PDE1C: variants seen among roughly 807,000 people sequenced by gnomAD.
PDE1C encodes the protein phosphodiesterase 1C, also known as dual specificity calcium/calmodulin-dependent 3',5'-cyclic nucleotide phosphodiesterase 1C.
Under a neutral mutation model 93.1 loss-of-function variants are expected in PDE1C, and 62 were observed. The observed-to-expected ratio is 0.67, with a 90% CI of 0.54 to 0.82. PDE1C has a LOEUF of 0.82. PDE1C is among the 40% of genes least tolerant of loss of function. PDE1C has a pLI of 0.00. For synonymous variants in PDE1C, 325 were observed against 310.1 expected, an observed-to-expected ratio of 1.05 and a Z score of -0.50; for missense variants, 742 against 884.6, an observed-to-expected ratio of 0.84 and a Z score of 2.04.
chr7:31,629,163 A>T, the PDE1C span, among the ~76,000 whole-genome samples: 2 of 152,132 alleles, frequency 1.3e-5, no homozygotes, highest in African/African-American at 4.8e-5. Context: ...TTGTCATTGC[A>T]CTCTTCCAGG....
downstream of PDE1C, among the ~76,000 whole-genome samples, chr7:31,749,858 C>T (rs1056064942): frequency 4.0e-5 from 6 of 151,702 alleles, no homozygotes; most frequent in Admixed American, 2.0e-4. Flanking sequence ...CTGCCTCAGC[C>T]TCCCAAGTAG....
the PDE1C span, among the ~76,000 whole-genome samples, chr7:31,659,945 G>T: frequency 3.3e-5 from 5 of 152,138 alleles, no homozygotes; most frequent in South Asian, 2.1e-4. Flanking sequence ...GGAGGGAACC[G>T]GTGGGAGGTA....
At chr7:32,155,921 A>G (rs1355955800) in intron 3 of PDE1C, among the ~76,000 whole-genome samples, 1 of 152,138 alleles carries the variant, frequency 6.6e-6, no homozygotes, top group Non-Finnish European at 1.5e-5. Flanking sequence ...GCCATGGGTC[A>G]TGGGTCAGCA....
At chr7:31,682,408 T>G in the PDE1C span, among the ~76,000 whole-genome samples, 1 of 152,074 alleles carries the variant, frequency 6.6e-6, no homozygotes, top group Non-Finnish European at 1.5e-5. Flanking sequence ...AAAATGCAAA[T>G]TAAGAACTTG....
chr7:31,995,052 C>T (rs1329066016), intron 2 of PDE1C, among the ~76,000 whole-genome samples: 1 of 152,178 alleles, frequency 6.6e-6, no homozygotes, highest in African/African-American at 2.4e-5. Flanking sequence ...GTCTTGTATA[C>T]CAAACAGGTC....
chr7:32,070,907 G>A (rs937058682), upstream of PDE1C: 38 of 985,386 alleles, frequency 3.9e-5, no homozygotes, highest in African/African-American at 5.8e-4. Flanking sequence ...ACCCGGCTCC[G>A]CCCCGCGCCC....
In PDE1C at chr7:31,753,471, A is replaced by T. The variant is rs749092332; in HGVS notation, c.2043T>A (p.Asp681Glu). Residue 681 changes from aspartate (D) to glutamate (E), a missense_variant, in exon 18 of 18, where the codon GAT becomes GAA. Physicochemically the swap from Asp to Glu is conservative, Grantham distance 45. This residue lies in a region of PDE1C where 454 missense variants were observed against 459.4 expected (regional missense o/e 0.99). Coordinates refer to ENST00000396191, the MANE Select transcript of PDE1C (RefSeq NM_001191057.4). The part of the protein sequence containing the change: ...SYAPSVSKKT[D>E]EHPARYKMLD... ...GCATCTTGTACCTTGCAGGATGCTC[A>T]TCAGTTTTCTTTGAGACTGAAGGTG... The T allele has an allele frequency of 1.2e-6, 2 of 1,612,586 alleles. No homozygotes were observed. The highest frequency in any genetic ancestry group is 2.2e-5 in the East Asian group (1 of 44,864).
rs1426117749 is a variant in PDE1C at position 32,275,264 on chromosome 7, C to G, written c.85+23387G>C. 3.9e-5 allele frequency among the ~76,000 whole-genome samples: 6 copies of G among 152,120 alleles called. No homozygotes were observed. In the East Asian group the frequency reaches 1.2e-3, roughly 29 times the overall value. ...TCACACATGTCATCAGATAAGACCT[C>G]GAACACTTTGACATGTATTTCCAAG... On this transcript the variant is annotated intron_variant, in intron 1 of 18. Coordinates refer to the PDE1C transcript ENST00000396193.
chr7:32,422,942 C>A (rs565364585), intron 1 of PDE1C, among the ~76,000 whole-genome samples: 1 of 152,288 alleles, frequency 6.6e-6, no homozygotes, highest in Admixed American at 6.5e-5. Context: ...CTGCCCAGAT[C>A]CCAAGAACTC....
At chr7:32,200,239 T>C (rs576998453) in intron 2 of PDE1C, among the ~76,000 whole-genome samples, 2 of 152,348 alleles carry the variant, frequency 1.3e-5, no homozygotes, top group South Asian at 4.1e-4. Context: ...TAATTTTGAC[T>C]GTGAGCTCAT....
chr7:32,127,448 AAGAC>A (rs1423980527), intron 3 of PDE1C, among the ~76,000 whole-genome samples: 1 of 152,122 alleles, frequency 6.6e-6, no homozygotes, highest in African/African-American at 2.4e-5. Context: ...TCCTGAAGAA[AAGAC>A]AGAACCAATG....
chr7:32,304,657 AG>A (rs1357927741), intron 1 of PDE1C, among the ~76,000 whole-genome samples: 2 of 152,292 alleles, frequency 1.3e-5, no homozygotes, highest in African/African-American at 2.4e-5. Flanking sequence ...TGAAACAAAA[AG>A]CTCCTCTACT....
intron 3 of PDE1C, among the ~76,000 whole-genome samples, chr7:32,137,619 A>C (rs1466549123): frequency 2.0e-5 from 3 of 152,228 alleles, no homozygotes; most frequent in African/African-American, 7.2e-5. Flanking sequence ...TCATCATCAG[A>C]TTAAATAACA....
intron 2 of PDE1C, among the ~76,000 whole-genome samples, chr7:31,936,950 G>T (rs544279830): frequency 6.6e-6 from 1 of 152,150 alleles, no homozygotes; most frequent in Non-Finnish European, 1.5e-5. Flanking sequence ...AAAGACATAC[G>T]TCAACACACG....
chr7:31,841,549 C>G (rs746133129), intron 9 of PDE1C, among the ~76,000 whole-genome samples: 4 of 152,104 alleles, frequency 2.6e-5, no homozygotes, highest in Non-Finnish European at 4.4e-5. Context: ...CCTTCTGTTT[C>G]TGGCTTGCTG....
At chr7:31,876,966 C>T (rs1039484070) in intron 5 of PDE1C, among the ~76,000 whole-genome samples, 1 of 152,184 alleles carries the variant, frequency 6.6e-6, no homozygotes, top group Non-Finnish European at 1.5e-5. Context: ...TCCCAAGGGG[C>T]TCTTTCTTGA....
At chr7:32,222,778 C>A (rs1393846641) in intron 1 of PDE1C, among the ~76,000 whole-genome samples, 5 of 152,188 alleles carry the variant, frequency 3.3e-5, no homozygotes, top group African/African-American at 1.2e-4. Flanking sequence ...AGGACTCTAA[C>A]ATCAAACATA....
chr7:32,225,184 C>T (rs924636000), intron 1 of PDE1C, among the ~76,000 whole-genome samples: 4 of 152,192 alleles, frequency 2.6e-5, no homozygotes, highest in Non-Finnish European at 5.9e-5. Flanking sequence ...ACAGTGTCCC[C>T]TCTAAGACAC....
At chr7:31,784,986 T>C (rs941053346) in intron 16 of PDE1C, 5 of 152,112 alleles carry the variant, frequency 3.3e-5, no homozygotes, top group African/African-American at 4.8e-5. Flanking sequence ...TACTCCAAGA[T>C]AGGTCATGAG....
Sources: allele counts gnomAD v4.1 joint callset (sites outside exome capture counted in the v4.1 genomes callset), GRCh38; gene constraint gnomAD v4.1.1; regional missense constraint gnomAD v4.1.1; transcripts MANE v1.5; gene names NCBI Gene and HGNC (gene_info 2026-07-23, HGNC 2026-07-21).